Variants in UBE2E1 observed in about 807,000 individuals in gnomAD.
The protein encoded by UBE2E1 is ubiquitin conjugating enzyme E2 E1.
In UBE2E1, 6 loss-of-function variants were observed where a neutral mutation model predicts 21.4. That is an observed-to-expected ratio of 0.28 (90% CI 0.15 to 0.55). The LOEUF (loss-of-function observed/expected upper bound fraction) is 0.55, where lower values mean the gene tolerates loss of function less well. Ranked by LOEUF, UBE2E1 falls within the 20% of genes least tolerant of loss-of-function variation. The pLI, the probability that UBE2E1 is intolerant of heterozygous loss-of-function variation, is 0.93. For synonymous variants in UBE2E1, 87 were observed against 82.7 expected (o/e 1.05, Z -0.28); for missense variants, 142 against 236.5 (o/e 0.60, Z 2.62).
intron 3 of UBE2E1, among the ~76,000 whole-genome samples, chr3:23,851,974 A>T (rs1289054574): frequency 1.3e-5 from 2 of 151,890 alleles, no homozygotes; most frequent in African/African-American, 4.8e-5. Context: ...GTGAGTTTTC[A>T]CTTGCTTTGT....
Position 23,890,839 on chromosome 3 carries a change from TGTA to T in UBE2E1, c.*237_*239del, listed in dbSNP as rs1174889641. 2.6e-6 allele frequency: 1 copy of T among 384,170 alleles called. No homozygotes were observed. The highest frequency in any genetic ancestry group is 4.3e-5 in the East Asian group (1 of 23,362). 23.8% of individuals were successfully genotyped at this position (384,170 alleles called of 1,614,324 possible). A position where few individuals can be genotyped will look rare whatever the true frequency, so the allele number is the denominator to read the frequency against. On this transcript the variant is annotated 3_prime_UTR_variant, in exon 6 of 6. Transcript: ENST00000306627. ...ATTAGTTCTGCAATATTAGCTGAAA[TGTA>T]GTACAGAAAAGAATGTACATTTAGA...
Position 23,842,250 on chromosome 3 carries a change from G to GTGTGTGTGTGTGTGTGTGTGTGTGGTGT in UBE2E1, c.203+30743_203+30744insGTGTGTGTGTGTGTGTGTGTGGTGTTGT, listed in dbSNP as rs1553637746. ...GTGTGTGTGTGTGTGTGTGTGTGTG[G>GTGTGTGTGTGTGTGTGTGTGTGTGGTGT]TGTTGTTGTTGTTGGCGACAGGGTC... is the stretch of plus-strand genomic sequence containing the variant. On this transcript the variant is annotated intron_variant, in intron 3 of 5. Coordinates refer to ENST00000306627, the MANE Select transcript of UBE2E1 (RefSeq NM_003341.5). This position sits in a 1 kb window ranked among gnomAD's most constrained non-coding sequence, Gnocchi z 4.6. 3.5e-5 allele frequency among the ~76,000 whole-genome samples: 3 copies of GTGTGTGTGTGTGTGTGTGTGTGTGGTGT among 86,370 alleles called. No homozygotes were observed. Among genetic ancestry groups the GTGTGTGTGTGTGTGTGTGTGTGTGGTGT allele is most frequent in the East Asian group, 6.1e-4 (2 of 3,288 alleles). The allele number at this position is 86,370 out of a possible 152,430, so 56.7% of individuals were successfully genotyped here.
chr3:23,831,494 A>G (rs1156881641), intron 3 of UBE2E1, among the ~76,000 whole-genome samples: 1 of 151,036 alleles, frequency 6.6e-6, no homozygotes, highest in Non-Finnish European at 1.5e-5. Context: ...AGCTAGTTTG[A>G]CAAAATATTT....
rs1699968612 is a variant in UBE2E1 at position 23,836,047 on chromosome 3, T to C, written c.203+24537T>C. 1.3e-5 allele frequency among the ~76,000 whole-genome samples: 2 copies of C among 152,228 alleles called. No homozygotes were observed. Among genetic ancestry groups the C allele is most frequent in the African/African-American group, 4.8e-5 (2 of 41,464 alleles). On this transcript the variant is annotated intron_variant, in intron 3 of 5. Coordinates refer to ENST00000306627, the MANE Select transcript of UBE2E1 (RefSeq NM_003341.5). This position sits in a 1 kb window ranked among gnomAD's most constrained non-coding sequence, Gnocchi z 4.1. ...AAGATATATATTTCAGAAAAAATGT[T>C]TTGAGCTTTTGCTGTTGATGTTAAG...
At position 23,887,942 on chromosome 3, in the gene UBE2E1, G is replaced by A. The variant is rs1701225287; in HGVS notation, c.336+243G>A. 6.6e-6 allele frequency among the ~76,000 whole-genome samples: 1 copy of A among 152,132 alleles called. No homozygotes were observed. On this transcript the variant is annotated intron_variant, in intron 4 of 5. Coordinates refer to ENST00000306627, the MANE Select transcript of UBE2E1 (RefSeq NM_003341.5). The surrounding 1 kb of genome is among the most constrained non-coding windows in gnomAD (Gnocchi z 4.4). Reference sequence around the variant, plus strand: ...AAATTGTGCTATTTATAGTAATATTGTCAGCAACCTAGAATTAATCCCCTG... The same window carrying A: ...AAATTGTGCTATTTATAGTAATATTATCAGCAACCTAGAATTAATCCCCTG...
At chr3:23,811,808 A>G (rs1699399515) in intron 3 of UBE2E1, among the ~76,000 whole-genome samples, 1 of 152,228 alleles carries the variant, frequency 6.6e-6, no homozygotes, top group South Asian at 2.1e-4. Context: ...TTGATATGCC[A>G]TTAAAGATGA....
chr3:23,869,429 G>GTGTA (rs1365204142), intron 3 of UBE2E1, among the ~76,000 whole-genome samples: 2 of 144,154 alleles, frequency 1.4e-5, no homozygotes, highest in Non-Finnish European at 3.0e-5. Context: ...CTGTGTGTGT[G>GTGTA]TGTGTGTGTG....
At chr3:23,841,683 A>T (rs1437536719) in intron 3 of UBE2E1, among the ~76,000 whole-genome samples, 1 of 152,200 alleles carries the variant, frequency 6.6e-6, no homozygotes, top group Non-Finnish European at 1.5e-5. Flanking sequence ...AGGATTCTGG[A>T]GCCACATTTG....
rs1019362949 is a variant in UBE2E1 at position 23,853,999 on chromosome 3, T to G, written c.204-33568T>G. ...TTGGTCAGGCATGGTGGCTCATGCC[T>G]GTAATCCCAGCACTTTGGGAGACCG... On this transcript the variant is annotated intron_variant, in intron 3 of 5. Transcript: ENST00000306627. The surrounding 1 kb of genome is among the most constrained non-coding windows in gnomAD (Gnocchi z 4.1). Among the ~76,000 whole-genome samples the G allele has an allele frequency of 2.6e-5, 4 of 152,192 alleles. No individual in the cohort carries two copies.
At chr3:23,831,845 G>A (rs1184022439) in intron 3 of UBE2E1, among the ~76,000 whole-genome samples, 1 of 151,920 alleles carries the variant, frequency 6.6e-6, no homozygotes, top group Non-Finnish European at 1.5e-5. Flanking sequence ...ACAGGTGCCC[G>A]CCACTATGCC....
intron 3 of UBE2E1, among the ~76,000 whole-genome samples, chr3:23,821,734 ACTCC>A (rs1414072032): frequency 1.3e-5 from 2 of 151,864 alleles, no homozygotes; most frequent in Non-Finnish European, 2.9e-5. Context: ...TGATAGGTAG[ACTCC>A]TAGGCCTAGA....
rs775979906 is a variant in UBE2E1, at chr3:23,863,777, ACC to A, written c.204-23789_204-23788del. Among the ~76,000 whole-genome samples, 2 of 151,932 alleles carry A rather than the reference ACC, an allele frequency of 1.3e-5. No individual in the cohort carries two copies. The highest frequency in any genetic ancestry group is 2.4e-5 in the African/African-American group (1 of 41,342). On this transcript the variant is annotated intron_variant, in intron 3 of 5. Transcript: ENST00000306627. The surrounding 1 kb of genome is among the most constrained non-coding windows in gnomAD (Gnocchi z 4.3). ...ACTCCCGATCTCAGGTCATCCACCC[ACC>A]TCAGCCTCCCAAAGTGCTGGGATTA...
chr3:23,811,316 G>T, intron 2 of UBE2E1, 144 bp from the exon 3 acceptor site: 1 of 734,702 alleles, frequency 1.4e-6, no homozygotes, highest in South Asian at 1.6e-5. Flanking sequence ...CTAGGGACCT[G>T]AAGTTCTTGA....
At chr3:23,872,355 A>G (rs1700819025) in intron 3 of UBE2E1, among the ~76,000 whole-genome samples, 1 of 150,526 alleles carries the variant, frequency 6.6e-6, no homozygotes, top group Admixed American at 6.6e-5. Context: ...CATCAGAGGG[A>G]GACCGTGGAA....
chr3:23,829,553 C>T (rs1699825791), intron 3 of UBE2E1, among the ~76,000 whole-genome samples: 1 of 152,108 alleles, frequency 6.6e-6, no homozygotes, highest in African/African-American at 2.4e-5. Context: ...CCTTCTGCCT[C>T]AACCTCCCAA....
At position 23,836,110 on chromosome 3, in the gene UBE2E1, G is replaced by T. The variant is rs1166370325; in HGVS notation, c.203+24600G>T. On this transcript the variant is annotated intron_variant, in intron 3 of 5. Coordinates refer to ENST00000306627, the MANE Select transcript of UBE2E1 (RefSeq NM_003341.5). The surrounding 1 kb of genome is among the most constrained non-coding windows in gnomAD (Gnocchi z 4.1). The stretch of plus-strand genomic sequence containing the variant: ...CTGTTAAATAGGACATTTGGAACAA[G>T]AACTGTTTAGGATATAGATGAAATA... Among the ~76,000 whole-genome samples the T allele has an allele frequency of 2.0e-5, 3 of 152,158 alleles. No homozygotes were observed. The highest frequency in any genetic ancestry group is 4.4e-5 in the Non-Finnish European group (3 of 68,024).
chr3:23,870,580 T>A lies in UBE2E1; in HGVS notation c.204-16987T>A, dbSNP rs1331082477. On this transcript the variant is annotated intron_variant, in intron 3 of 5. Transcript: ENST00000306627. This position sits in a 1 kb window ranked among gnomAD's most constrained non-coding sequence, Gnocchi z 4.2. ...GAGGCACTGACAGCTTCTGCTATAG[T>A]TTATCAGTGAGCTCAGGAGTTCAAG... 1.3e-5 allele frequency among the ~76,000 whole-genome samples: 2 copies of A among 152,212 alleles called. No homozygotes were observed. Among genetic ancestry groups the A allele is most frequent in the Non-Finnish European group, 2.9e-5 (2 of 68,036 alleles).
intron 3 of UBE2E1, among the ~76,000 whole-genome samples, chr3:23,846,988 A>T (rs1276915521): frequency 6.6e-6 from 1 of 152,184 alleles, no homozygotes; most frequent in Non-Finnish European, 1.5e-5. Flanking sequence ...ATGTTATTAC[A>T]CGTTTTAAGA....
intron 3 of UBE2E1, among the ~76,000 whole-genome samples, chr3:23,859,424 C>T (rs1338832784): frequency 6.6e-6 from 1 of 152,224 alleles, no homozygotes; most frequent in Non-Finnish European, 1.5e-5. Flanking sequence ...CTCCATATTA[C>T]CTGCTCCCAC....
Sources: gnomAD v4.1 joint callset for allele counts (sites outside exome capture counted in the v4.1 genomes callset) on GRCh38, gnomAD v4.1.1 for gene constraint, Gnocchi (gnomAD v3.1) non-coding constraint, MANE v1.5 for transcripts, NCBI Gene and HGNC (gene_info 2026-07-23, HGNC 2026-07-21) for gene names.